SH2B1: variants seen among roughly 807,000 people sequenced by gnomAD.
The protein encoded by SH2B1 is SH2B adaptor protein 1.
SH2B1 carries 15 observed loss-of-function variants against 62.6 expected under a neutral mutation model. The ratio of observed to expected loss-of-function variants is 0.24; its 90% CI spans 0.16 to 0.37. The LOEUF is 0.37. Among genes scored for constraint, SH2B1 ranks in the 10% least tolerant of loss-of-function variants. The probability of loss-of-function intolerance (pLI) is 1.00; values close to 1 mark genes in which losing one functional copy is unlikely to be tolerated. For missense variants in SH2B1, 925 were observed against 1,015.6 expected, an observed-to-expected ratio of 0.91 and a Z score of 1.21; for synonymous variants, 443 against 438.0, an observed-to-expected ratio of 1.01 and a Z score of -0.14.
chr16:28,872,703 AG>A lies in SH2B1; in HGVS notation c.1897+1del. 6.2e-7 allele frequency: 1 copy of A among 1,614,106 alleles called. No homozygotes were observed. Among genetic ancestry groups the A allele is most frequent in the Non-Finnish European group, 8.5e-7 (1 of 1,180,012 alleles). Reference sequence around the variant, plus strand: ...TATGTCCCATCCTCCCAGCGACAGCAGGGTGAGCAGAGCAGGTCTGCAGGGG... The same window carrying A: ...TATGTCCCATCCTCCCAGCGACAGCAGGTGAGCAGAGCAGGTCTGCAGGGG... ...VSYVPSSQRQ[Q>X]EPTTSHDPPQ... On this transcript the variant is annotated frameshift_variant and splice_region_variant, in exon 7 of 8. Coordinates refer to ENST00000684370, the MANE Select transcript of SH2B1 (RefSeq NM_001387430.1). LOFTEE classifies it high-confidence loss of function. The surrounding 1 kb of genome is among the most constrained non-coding windows in gnomAD (Gnocchi z 5.3).
At chr16:28,853,222 T>C (rs1305525327) in intron 1 of SH2B1, among the ~76,000 whole-genome samples, 2 of 114,384 alleles carry the variant, frequency 1.7e-5, no homozygotes, top group South Asian at 2.4e-4. Flanking sequence ...TAAAAATGTA[T>C]ATATAAATAT....
rs143410496 is a variant in SH2B1 at position 28,872,672 on chromosome 16, G to A, written c.1864G>A (p.Val622Ile). 29 of 1,614,212 alleles carry A rather than the reference G, an allele frequency of 1.8e-5. No homozygotes were observed. The highest frequency in any genetic ancestry group is 5.0e-5 in the Admixed American group (3 of 60,016). Residue 622 changes from valine to isoleucine, a missense_variant, in exon 7 of 8, where the codon GTC becomes ATC. Transcript: ENST00000684370. This position sits in a 1 kb window ranked among gnomAD's most constrained non-coding sequence, Gnocchi z 5.3. ...ESGGSSDVVLVSYVPSSQRQQ... is the reference protein window; with the variant it reads ...ESGGSSDVVLISYVPSSQRQQ... ...GGGAGGCTCCAGTGATGTTGTCCTT[G>A]TCAGCTATGTCCCATCCTCCCAGCG... is the stretch of plus-strand genomic sequence containing the variant.
At chr16:28,846,866 T>C (rs1243639844) in intron 1 of SH2B1, 1 of 156,568 alleles carries the variant, frequency 6.4e-6, no homozygotes, top group East Asian at 1.9e-4. Context: ...GGGGATGGGG[T>C]GAAGTGTGAC....
Position 28,869,225 on chromosome 16 carries a change from G to T in SH2B1, c.1151G>T (p.Ser384Ile), listed in dbSNP as rs780371977. The change falls in exon 4 of 8, where the codon AGT becomes ATT. Residue 384 changes from serine to isoleucine, a missense_variant. Transcript: ENST00000684370. ...CTCTGCAGACCCTGCCCTGCTACCA[G>T]TCCCCGCCCCATGACCCTCCCTCTG... ...CLSPGPCPAT[S>I]PRPMTLPLAP... 1 of 1,613,958 alleles carries T rather than the reference G, an allele frequency of 6.2e-7. No homozygotes were observed. The highest frequency in any genetic ancestry group is 1.7e-5 in the Admixed American group (1 of 59,996).
In SH2B1 at chr16:28,866,752, C is replaced by A; in HGVS notation, c.658C>A (p.Pro220Thr). ...GRGLVSDGTS[P>T]GERWTHRFER... The stretch of plus-strand genomic sequence containing the variant: ...GGGACTGGTCAGTGATGGAACGTCC[C>A]CTGGGGAAAGATGGACTCACCGTTT... Residue 220 changes from proline (P) to threonine (T), a missense_variant, in exon 1 of 8, where the codon CCT becomes ACT. Physicochemically the swap from Pro to Thr is conservative, Grantham distance 38. Transcript: ENST00000684370. The surrounding 1 kb of genome is among the most constrained non-coding windows in gnomAD (Gnocchi z 6.3). 1 of 1,578,090 alleles carries A rather than the reference C, an allele frequency of 6.3e-7. No homozygotes were observed. The highest frequency in any genetic ancestry group is 8.6e-7 in the Non-Finnish European group (1 of 1,163,342).
chr16:28,867,506 G>A (rs1962782812), intron 2 of SH2B1, 74 bp downstream of exon 2: 1 of 1,151,238 alleles, frequency 8.7e-7, no homozygotes, highest in Non-Finnish European at 1.3e-6. Flanking sequence ...TAAGCAAGTG[G>A]CGTCGCCGAA....
At position 28,864,960 on chromosome 16, in the gene SH2B1, C is replaced by A; in HGVS notation, c.-1135C>A. ...TAGCTTTGTTTAACAGATAGAAAAACGGAGGCTCAGAGAGGACGTGGAATT... is the reference window on the plus strand; with the variant it reads ...TAGCTTTGTTTAACAGATAGAAAAAAGGAGGCTCAGAGAGGACGTGGAATT... On this transcript the variant is annotated 5_prime_UTR_variant, in exon 1 of 8. Transcript: ENST00000684370. 5.2e-6 allele frequency: 2 copies of A among 383,924 alleles called. No individual in the cohort carries two copies. The highest frequency in any genetic ancestry group is 7.1e-6 in the Non-Finnish European group (2 of 280,120). The allele number at this position is 383,924 out of a possible 1,614,324, so 23.8% of individuals were successfully genotyped here.
In SH2B1 at chr16:28,872,147, C is replaced by A; in HGVS notation, c.1514-43C>A. ...CTTTTTTCTCCCAGGATGGGGGAGG[C>A]TGCCCTGACACCCCGGTTTCCCTCC... On this transcript the variant is annotated intron_variant, in intron 5 of 7. Coordinates refer to ENST00000684370, the MANE Select transcript of SH2B1 (RefSeq NM_001387430.1). The surrounding 1 kb of genome is among the most constrained non-coding windows in gnomAD (Gnocchi z 5.3). 1 of 1,574,612 alleles carries A rather than the reference C, an allele frequency of 6.4e-7. No individual in the cohort carries two copies. The highest frequency in any genetic ancestry group is 8.7e-7 in the Non-Finnish European group (1 of 1,149,764).
upstream of SH2B1, among the ~76,000 whole-genome samples, chr16:28,859,876 C>CG (rs1017739794): frequency 8.9e-6 from 1 of 112,206 alleles, no homozygotes; most frequent in African/African-American, 3.0e-5. Context: ...AGACCCCCCC[C>CG]CCCCGGCTGT....
At position 28,869,039 on chromosome 16, in the gene SH2B1, G is replaced by A. The variant is rs1227721197; in HGVS notation, c.1075G>A (p.Val359Met). The change falls in exon 3 of 8, where the codon GTG becomes ATG. Residue 359 changes from valine to methionine, a missense_variant. By Grantham distance (21) the Val-to-Met change is conservative. This residue lies in a region of SH2B1 where 683 missense variants were observed against 704.0 expected (regional missense o/e 0.97). Transcript: ENST00000684370. ...TCCATCCGAGTATATCATGGAGACA[G>A]TGGATGCCCAGCATGTGAAGGCCTG... The part of the protein sequence containing the change: ...EGPSEYIMET[V>M]DAQHVKAWVS... 1 of 1,614,186 alleles carries A rather than the reference G, an allele frequency of 6.2e-7. No homozygotes were observed. Among genetic ancestry groups the A allele is most frequent in the Non-Finnish European group, 8.5e-7 (1 of 1,180,016 alleles).
chr16:28,852,724 T>G lies in SH2B1; in HGVS notation c.-301+5897T>G, dbSNP rs1215678907. ...TATACATATATATTTACATATATATTTATATATATACATATATATATTTAC... is the reference window on the plus strand; with the variant it reads ...TATACATATATATTTACATATATATGTATATATATACATATATATATTTAC... On this transcript the variant is annotated intron_variant, in intron 1 of 10. Transcript: ENST00000322610. Among the ~76,000 whole-genome samples the G allele has an allele frequency of 1.1e-3, 78 of 69,552 alleles. 5 individuals carry two copies. Among genetic ancestry groups the G allele is most frequent in the South Asian group, 4.1e-3 (8 of 1,928 alleles). 45.6% of individuals were successfully genotyped at this position (69,552 alleles called of 152,430 possible).
In SH2B1 at chr16:28,873,728, C is replaced by A; in HGVS notation, c.2179C>A (p.Pro727Thr). The change falls in exon 8 of 8, where the codon CCA becomes ACA. Residue 727 changes from proline to threonine, a missense_variant. Physicochemically the swap from Pro to Thr is conservative, Grantham distance 38 (BLOSUM62 -1). This residue lies in a region of SH2B1 where 185 missense variants were observed against 189.5 expected (regional missense o/e 0.98). Coordinates refer to ENST00000684370, the MANE Select transcript of SH2B1 (RefSeq NM_001387430.1). This position sits in a 1 kb window ranked among gnomAD's most constrained non-coding sequence, Gnocchi z 4.2. ...AGSGGDAGVP[P>T]MVQLQQSPLG... is the part of the protein sequence containing the mutation. Reference sequence around the variant, plus strand: ...GTCTGGTGGGGACGCGGGGGTGCCCCCAATGGTGCAGCTGCAGCAGTCACC... The same window carrying A: ...GTCTGGTGGGGACGCGGGGGTGCCCACAATGGTGCAGCTGCAGCAGTCACC... 6.7e-7 allele frequency: 1 copy of A among 1,492,314 alleles called. No homozygotes were observed. Among genetic ancestry groups the A allele is most frequent in the South Asian group, 1.3e-5 (1 of 74,468 alleles). 92.4% of individuals were successfully genotyped at this position (1,492,314 alleles called of 1,614,324 possible).
In SH2B1 at chr16:28,852,769, T is replaced by TG; in HGVS notation, c.-301+5942_-301+5943insG. Among the ~76,000 whole-genome samples the TG allele has an allele frequency of 2.8e-5, 2 of 71,698 alleles. 1 individual carries two copies. Among genetic ancestry groups the TG allele is most frequent in the Non-Finnish European group, 4.9e-5 (2 of 41,162 alleles). The allele number at this position is 71,698 out of a possible 152,430, so 47.0% of individuals were successfully genotyped here. On this transcript the variant is annotated intron_variant, in intron 1 of 10. Transcript: ENST00000322610. ...ATTTACATATATATGTATATATATA[T>TG]TTATATATATATTTACATATATATT...
intron 2 of SH2B1, among the ~76,000 whole-genome samples, chr16:28,868,499 C>T (rs1962851914): frequency 6.6e-6 from 1 of 151,380 alleles, no homozygotes; most frequent in Non-Finnish European, 1.5e-5. Context: ...TACTCTGTCT[C>T]CCAGGCTGGA....
chr16:28,871,122 ATTC>A (rs1231039475), intron 4 of SH2B1, among the ~76,000 whole-genome samples: 2 of 151,870 alleles, frequency 1.3e-5, no homozygotes, highest in Non-Finnish European at 2.9e-5. Context: ...GGTTCAAGCA[ATTC>A]TTCTGCCTCA....
At position 28,873,360 on chromosome 16, in the gene SH2B1, G is replaced by A. The variant is rs143212778; in HGVS notation, c.1898-87G>A. The A allele has an allele frequency of 3.0e-3, 4,721 of 1,580,072 alleles. 13 individuals are homozygous for A. The highest frequency in any genetic ancestry group is 0.011 in the Middle Eastern group (65 of 5,962). ...AGATGGGATGTGGGGAGACAGCCACGCTCCTGGGGGGCTGAGTGAAGGGGA... is the reference window on the plus strand; with the variant it reads ...AGATGGGATGTGGGGAGACAGCCACACTCCTGGGGGGCTGAGTGAAGGGGA... On this transcript the variant is annotated intron_variant, in intron 7 of 7. Coordinates refer to ENST00000684370, the MANE Select transcript of SH2B1 (RefSeq NM_001387430.1). The surrounding 1 kb of genome is among the most constrained non-coding windows in gnomAD (Gnocchi z 4.2).
chr16:28,869,842 G>A (rs531479178), intron 4 of SH2B1, among the ~76,000 whole-genome samples: 1 of 152,258 alleles, frequency 6.6e-6, no homozygotes, highest in African/African-American at 2.4e-5. Flanking sequence ...ACAAAGATGT[G>A]TCACCCAGTC....
chr16:28,860,666 G>A (rs1001643934), upstream of SH2B1, among the ~76,000 whole-genome samples: 1 of 152,126 alleles, frequency 6.6e-6, no homozygotes, highest in Admixed American at 6.6e-5. Context: ...GACCATGGCA[G>A]CACACCCTGT....
Position 28,872,304 on chromosome 16 carries a change from C to T in SH2B1, c.1628C>T (p.Thr543Ile). The change falls in exon 6 of 8, where the codon ACT becomes ATT. Residue 543 changes from threonine (T) to isoleucine (I), a missense_variant. This residue lies in a region of SH2B1 where 57 missense variants were observed against 122.1 expected (regional missense o/e 0.47). Transcript: ENST00000684370. This position sits in a 1 kb window ranked among gnomAD's most constrained non-coding sequence, Gnocchi z 5.3. Reference protein sequence around the residue: ...SRLKAAQLVLTGGTGSHGVFL... With the variant: ...SRLKAAQLVLIGGTGSHGVFL... ...CTCAAGGCTGCACAGTTGGTGCTGA[C>T]TGGCGGCACTGGCTCCCACGGTGTC... 1.9e-6 allele frequency: 3 copies of T among 1,614,012 alleles called. No individual in the cohort carries two copies. In the South Asian group the frequency reaches 3.3e-5, roughly 18 times the overall value.
Sources: gnomAD v4.1 joint callset for allele counts (sites outside exome capture counted in the v4.1 genomes callset) on GRCh38, gnomAD v4.1.1 for gene constraint, gnomAD v4.1.1 regional missense constraint, Gnocchi (gnomAD v3.1) non-coding constraint, MANE v1.5 for transcripts, NCBI Gene and HGNC (gene_info 2026-07-23, HGNC 2026-07-21) for gene names.